The following MUC17 variants were observed in gnomAD, a reference collection of about 807,000 sequenced individuals.
The protein encoded by MUC17 is mucin-17.
In MUC17, 190 loss-of-function variants were observed where a neutral mutation model predicts 170.3. The observed-to-expected ratio is 1.12, with a 90% CI of 0.99 to 1.26. The LOEUF is 1.26. MUC17 is among the 50% of genes most tolerant of loss of function. MUC17 has a pLI of 0.00. For missense variants in MUC17, 6,415 were observed against 5,530.0 expected (o/e 1.16, Z -5.08); for synonymous variants, 2,325 against 2,002.5 (o/e 1.16, Z -4.30).
rs1794896584 is a variant in MUC17, at chr7:101,049,355, A to G, written c.12695A>G (p.Tyr4232Cys). The G allele has an allele frequency of 6.2e-7, 1 of 1,613,682 alleles. No homozygotes were observed. The highest frequency in any genetic ancestry group is 8.5e-7 in the Non-Finnish European group (1 of 1,179,834). Residue 4232 changes from tyrosine (Y) to cysteine (C), a missense_variant, in exon 6 of 13, where the codon TAT (tyrosine) becomes TGT (cysteine). Coordinates refer to ENST00000306151, the MANE Select transcript of MUC17 (RefSeq NM_001040105.2). The part of the protein sequence containing the change: ...MNIVYSGIPE[Y>C]VGVNITKLRL... Reference sequence around the variant, plus strand: ...ATTGTGTATTCCGGGATCCCTGAGTATGTCGGGGTGAACATCACAAAGCTA... The same window carrying G: ...ATTGTGTATTCCGGGATCCCTGAGTGTGTCGGGGTGAACATCACAAAGCTA...
At position 101,039,857 on chromosome 7, in the gene MUC17, G is replaced by A. The variant is rs1432531302; in HGVS notation, c.8441G>A (p.Ser2814Asn). The A allele has an allele frequency of 6.2e-7, 1 of 1,611,280 alleles. No individual in the cohort carries two copies. Among genetic ancestry groups the A allele is most frequent in the Non-Finnish European group, 8.5e-7 (1 of 1,179,228 alleles). The change falls in exon 3 of 13, where the codon AGT becomes AAT. Residue 2814 changes from serine to asparagine, a missense_variant. Transcript: ENST00000306151. Reference protein sequence around the residue: ...TPSETSTPLTSMPVNHTPVAS... With the variant: ...TPSETSTPLTNMPVNHTPVAS... ...AGTGAAACAAGTACTCCATTAACTA[G>A]TATGCCTGTCAACCACACGCCAGTG...
rs577118280 is a variant in MUC17, at chr7:101,034,014, T to C, written c.2598T>C (p.Pro866=). The C allele has an allele frequency of 2.0e-5, 31 of 1,579,654 alleles. No homozygotes were observed. The highest frequency in any genetic ancestry group is 2.8e-5 in the African/African-American group (2 of 70,536). The change falls in exon 3 of 13, where the codon CCT becomes CCC. Residue 866 remains proline, a synonymous_variant. Coordinates refer to ENST00000306151, the MANE Select transcript of MUC17 (RefSeq NM_001040105.2). ...PTSTYSEGRT[P]LTSMPVSTTL... ...CAACTTATAGTGAAGGAAGAACTCC[T>C]TTAACAAGTATGCCTGTCAGCACCA...
At position 101,042,184 on chromosome 7, in the gene MUC17, A is replaced by G; in HGVS notation, c.10768A>G (p.Ser3590Gly). 1 of 1,614,220 alleles carries G rather than the reference A, an allele frequency of 6.2e-7. No individual in the cohort carries two copies. The highest frequency in any genetic ancestry group is 1.6e-4 in the Middle Eastern group (1 of 6,062). The change falls in exon 3 of 13, where the codon AGT (serine) becomes GGT (glycine). Residue 3590 changes from serine to glycine, a missense_variant. Coordinates refer to ENST00000306151, the MANE Select transcript of MUC17 (RefSeq NM_001040105.2). ...TMLLSSTYVT[S>G]SEASTPSTPS... The stretch of plus-strand genomic sequence containing the variant: ...GCTCCTCAGCAGCACATATGTGACC[A>G]GTTCTGAGGCTAGCACACCTTCCAC...
At chr7:101,020,262 G>C in intron 1 of MUC17, 45 bp downstream of exon 1, 2 of 1,535,684 alleles carry the variant, frequency 1.3e-6, no homozygotes, top group Non-Finnish European at 8.9e-7. Flanking sequence ...CCCCATCCCA[G>C]GGGCCAGCCT....
At chr7:101,050,977 G>A (rs1022791373) in intron 7 of MUC17, among the ~76,000 whole-genome samples, 1 of 152,084 alleles carries the variant, frequency 6.6e-6, no homozygotes, top group South Asian at 2.1e-4. Context: ...CAGGACTAAC[G>A]GCTATAGGAC....
In MUC17 at chr7:101,049,363, G is replaced by GTA; in HGVS notation, c.12704_12705insAT (p.Asn4236Ter). On this transcript the variant is annotated frameshift_variant, in exon 6 of 13. Coordinates refer to ENST00000306151, the MANE Select transcript of MUC17 (RefSeq NM_001040105.2). LOFTEE classifies it high-confidence loss of function. Reference sequence around the variant, plus strand: ...TTCCGGGATCCCTGAGTATGTCGGGGTGAACATCACAAAGCTACGGTAAGT... The same window carrying GTA: ...TTCCGGGATCCCTGAGTATGTCGGGGTATGAACATCACAAAGCTACGGTAAGT... 6.2e-7 allele frequency: 1 copy of GTA among 1,613,476 alleles called. No homozygotes were observed. Among genetic ancestry groups the GTA allele is most frequent in the Non-Finnish European group, 8.5e-7 (1 of 1,179,714 alleles).
chr7:101,037,806 C>A lies in MUC17; in HGVS notation c.6390C>A (p.Asn2130Lys), dbSNP rs1794538702. Residue 2130 changes from asparagine to lysine, a missense_variant, in exon 3 of 13, where the codon AAC becomes AAA. By Grantham distance (94) the Asn-to-Lys change is moderately conservative. Transcript: ENST00000306151. ...STLSTTPVDS[N>K]SPVITSTEVS... ...TTTCAACAACTCCTGTTGACTCCAA[C>A]AGTCCTGTGATCACTTCTACTGAAG... The A allele has an allele frequency of 6.2e-7, 1 of 1,613,084 alleles. No homozygotes were observed. Among genetic ancestry groups the A allele is most frequent in the African/African-American group, 1.3e-5 (1 of 74,922 alleles).
intron 4 of MUC17, 65 bp downstream of exon 4, chr7:101,048,180 G>A (rs1277844942): frequency 2.1e-6 from 3 of 1,455,742 alleles, no homozygotes; most frequent in East Asian, 2.5e-5. Flanking sequence ...ACAAGCAACA[G>A]TTCCTGCCCC....
chr7:101,033,892 C>A lies in MUC17; in HGVS notation c.2476C>A (p.Leu826Ile), dbSNP rs778117873. ...TPVTSPEAST[L>I]STTPVDSNSP... ...GGTGACCAGTCCTGAGGCTAGCACCCTTTCAACAACTCCTGTTGACTCCAA... is the reference window on the plus strand; with the variant it reads ...GGTGACCAGTCCTGAGGCTAGCACCATTTCAACAACTCCTGTTGACTCCAA... Residue 826 changes from leucine (L) to isoleucine (I), a missense_variant, in exon 3 of 13, where the codon CTT becomes ATT. Transcript: ENST00000306151. 2.5e-6 allele frequency: 4 copies of A among 1,613,492 alleles called. No homozygotes were observed. Among genetic ancestry groups the A allele is most frequent in the Non-Finnish European group, 3.4e-6 (4 of 1,179,660 alleles).
intron 7 of MUC17, 105 bp downstream of exon 7, chr7:101,050,740 G>A: frequency 6.8e-7 from 1 of 1,460,776 alleles, no homozygotes; most frequent in Non-Finnish European, 9.1e-7. Context: ...ATGGGTGGGT[G>A]CAAGAATCAC....
intron 12 of MUC17, among the ~76,000 whole-genome samples, chr7:101,057,068 T>C (rs1221752231): frequency 6.6e-6 from 1 of 152,210 alleles, no homozygotes; most frequent in Non-Finnish European, 1.5e-5. Flanking sequence ...AGAGGTATTC[T>C]AGGATTGGAA....
In MUC17 at chr7:101,031,916, C is replaced by T. The variant is rs537936932; in HGVS notation, c.500C>T (p.Ala167Val). 12 of 1,614,062 alleles carry T rather than the reference C, an allele frequency of 7.4e-6. No individual in the cohort carries two copies. In the East Asian group the frequency reaches 2.7e-4, roughly 36 times the overall value. ...ISSTMAFVSTAPLPSFEAYTS... is the reference protein window; with the variant it reads ...ISSTMAFVSTVPLPSFEAYTS... ...TCAACAATGGCTTTTGTCAGCACTGCACCTCTTCCCAGTTTTGAGGCCTAC... is the reference window on the plus strand; with the variant it reads ...TCAACAATGGCTTTTGTCAGCACTGTACCTCTTCCCAGTTTTGAGGCCTAC... The change falls in exon 3 of 13, where the codon GCA (alanine) becomes GTA (valine). Residue 167 changes from alanine (A) to valine (V), a missense_variant. Physicochemically the swap from Ala to Val is moderately conservative, Grantham distance 64 (BLOSUM62 0). Transcript: ENST00000306151.
In MUC17 at chr7:101,032,189, C is replaced by A. The variant is rs1562803575; in HGVS notation, c.773C>A (p.Thr258Lys). The A allele has an allele frequency of 1.2e-6, 2 of 1,614,226 alleles. No individual in the cohort carries two copies. The highest frequency in any genetic ancestry group is 8.5e-7 in the Non-Finnish European group (1 of 1,180,028). The change falls in exon 3 of 13, where the codon ACA (threonine) becomes AAA (lysine). Residue 258 changes from threonine (T) to lysine (K), a missense_variant. Coordinates refer to ENST00000306151, the MANE Select transcript of MUC17 (RefSeq NM_001040105.2). The stretch of plus-strand genomic sequence containing the variant: ...TCTGCTCAAGCCAGTTCATCTCCTA[C>A]AACTGCTGAAGGTCCCAGCCTGTCA... ...TISAQASSSPTTAEGPSLSNS... is the reference protein window; with the variant it reads ...TISAQASSSPKTAEGPSLSNS...
chr7:101,043,283 C>T lies in MUC17; in HGVS notation c.11867C>T (p.Ala3956Val). Residue 3956 changes from alanine (A) to valine (V), a missense_variant, in exon 3 of 13, where the codon GCA becomes GTA. Coordinates refer to ENST00000306151, the MANE Select transcript of MUC17 (RefSeq NM_001040105.2). ...VTSSTADVFP[A>V]TTGAVSTPVI... ...AGTTCTACTGCTGATGTCTTTCCTG[C>T]AACAACTGGTGCTGTATCTACCCCT... The T allele has an allele frequency of 6.2e-7, 1 of 1,614,160 alleles. No individual in the cohort carries two copies. Among genetic ancestry groups the T allele is most frequent in the South Asian group, 1.1e-5 (1 of 91,080 alleles).
rs747106168 is a variant in MUC17, at chr7:101,039,654, T to C, written c.8238T>C (p.Pro2746=). ...AEGTSMRIST[P]SDGSTPLTSI... is the part of the protein sequence containing the mutation. Reference sequence around the variant, plus strand: ...GTACCAGCATGCGAATCTCAACTCCTAGTGATGGAAGTACTCCATTAACAA... The same window carrying C: ...GTACCAGCATGCGAATCTCAACTCCCAGTGATGGAAGTACTCCATTAACAA... Residue 2746 remains proline (P), a synonymous_variant, in exon 3 of 13, where the codon CCT becomes CCC. Transcript: ENST00000306151. The C allele has an allele frequency of 3.1e-6, 5 of 1,612,264 alleles. No homozygotes were observed. The highest frequency in any genetic ancestry group is 2.7e-5 in the African/African-American group (2 of 74,476).
rs138951991 is a variant in MUC17, at chr7:101,036,400, G to C, written c.4984G>C (p.Val1662Leu). ...AACTCCTGTTGACTCCAACAGTCCT[G>C]TGATCACTTCTACTGAAGTCAGTTC... ...STTPVDSNSP[V>L]ITSTEVSSSP... The change falls in exon 3 of 13, where the codon GTG becomes CTG. Residue 1662 changes from valine (V) to leucine (L), a missense_variant. Coordinates refer to ENST00000306151, the MANE Select transcript of MUC17 (RefSeq NM_001040105.2). 4 of 1,559,974 alleles carry C rather than the reference G, an allele frequency of 2.6e-6. No homozygotes were observed. The highest frequency in any genetic ancestry group is 3.4e-6 in the Non-Finnish European group (4 of 1,161,236).
rs781393368 is a variant in MUC17, at chr7:101,036,697, G to T, written c.5281G>T (p.Val1761Leu). Residue 1761 changes from valine to leucine, a missense_variant, in exon 3 of 13, where the codon GTA (valine) becomes TTA (leucine). Val to Leu is a conservative substitution (Grantham distance 32). Coordinates refer to ENST00000306151, the MANE Select transcript of MUC17 (RefSeq NM_001040105.2). ...LTSIPVSTTP[V>L]LSSEASTLSA... ...AAGTATACCTGTCAGCACCACGCCG[G>T]TACTCAGTTCTGAGGCTAGCACCCT... is the stretch of plus-strand genomic sequence containing the variant. 2.9e-5 allele frequency: 47 copies of T among 1,612,990 alleles called. No individual in the cohort carries two copies. The highest frequency in any genetic ancestry group is 3.6e-5 in the Non-Finnish European group (43 of 1,179,738).
chr7:101,051,653 C>T lies in MUC17; in HGVS notation c.12915C>T (p.Asn4305=). 6.2e-7 allele frequency: 1 copy of T among 1,611,678 alleles called. No individual in the cohort carries two copies. The highest frequency in any genetic ancestry group is 8.5e-7 in the Non-Finnish European group (1 of 1,179,458). ...ACACCACTGGCACCCAAGTGCAAAA[C>T]ATTACGGTGACCCAGTACGACCCTG... is the stretch of plus-strand genomic sequence containing the variant. ...CFNTTGTQVQ[N]ITVTQYDPEE... The change falls in exon 8 of 13, where the codon AAC becomes AAT. Residue 4305 remains asparagine, a synonymous_variant. Coordinates refer to ENST00000306151, the MANE Select transcript of MUC17 (RefSeq NM_001040105.2).
intron 3 of MUC17, among the ~76,000 whole-genome samples, chr7:101,047,442 C>A (rs573793527): frequency 6.6e-6 from 1 of 152,164 alleles, no homozygotes; most frequent in Non-Finnish European, 1.5e-5. Context: ...CGGGACGTGG[C>A]TTAGCCTCTC....
Sources: gnomAD v4.1 joint callset for allele counts (sites outside exome capture counted in the v4.1 genomes callset) on GRCh38, gnomAD v4.1.1 for gene constraint, MANE v1.5 for transcripts, NCBI Gene and HGNC (gene_info 2026-07-23, HGNC 2026-07-21) for gene names.